RBM10: variants seen among roughly 807,000 people sequenced by gnomAD.
RBM10 encodes RNA binding motif protein 10.
In RBM10, 1 loss-of-function variant was observed where a neutral mutation model predicts 84.9. The observed-to-expected ratio is 0.01, with a 90% CI of 0.00 to 0.06. The LOEUF is 0.06. RBM10 is among the 10% of genes least tolerant of loss of function. RBM10 has a pLI of 1.00. For synonymous variants in RBM10, 326 were observed against 344.5 expected (o/e 0.95, Z 0.60); for missense variants, 438 against 839.0 (o/e 0.52, Z 5.90).
chrX:47,179,726 A>T (rs1422860714), intron 9 of RBM10, 154 bp from the exon 10 acceptor site: 13 of 856,631 alleles, frequency 1.5e-5, no homozygotes, highest in Middle Eastern at 5.8e-4. Flanking sequence ...TGGACCGCCA[A>T]GCAGAGTTGA....
intron 2 of RBM10, among the ~76,000 whole-genome samples, chrX:47,151,545 G>T (rs1419655211): frequency 8.9e-6 from 1 of 111,877 alleles, no homozygotes; most frequent in Non-Finnish European, 1.9e-5. Context: ...ATATTAAATA[G>T]TATAAGTGAT....
chrX:47,152,298 GT>G (rs1329015465), intron 2 of RBM10, among the ~76,000 whole-genome samples: 1 of 111,300 alleles, frequency 9.0e-6, no homozygotes, highest in Admixed American at 9.7e-5. Context: ...TGGTATGTAT[GT>G]ATATGTTTAT....
chrX:47,176,044 C>G (rs1370654672), intron 6 of RBM10, among the ~76,000 whole-genome samples: 1 of 112,934 alleles, frequency 8.9e-6, no homozygotes, highest in Non-Finnish European at 1.9e-5. Context: ...TCCATCTGTT[C>G]GAAATGGCTC....
At chrX:47,153,044 C>T (rs781898172) in intron 2 of RBM10, among the ~76,000 whole-genome samples, 1 of 110,710 alleles carries the variant, frequency 9.0e-6, no homozygotes, top group Admixed American at 9.7e-5. Context: ...CAGGATTTTT[C>T]CATGTTGATC....
At chrX:47,172,071 G>GTTCC (rs1934717757) in intron 4 of RBM10, among the ~76,000 whole-genome samples, 1 of 112,311 alleles carries the variant, frequency 8.9e-6, no homozygotes, top group African/African-American at 3.2e-5. Flanking sequence ...TGTATCTCAG[G>GTTCC]GTGGGCCATG....
intron 2 of RBM10, among the ~76,000 whole-genome samples, chrX:47,167,584 G>A (rs953038213): frequency 9.0e-6 from 1 of 111,267 alleles, no homozygotes; most frequent in Non-Finnish European, 1.9e-5. Flanking sequence ...GGCTGGTCTC[G>A]AATTCCTGAC....
At chrX:47,184,712 G>C (rs782791108) in intron 17 of RBM10, among the ~76,000 whole-genome samples, 27 of 111,656 alleles carry the variant, frequency 2.4e-4, no homozygotes, top group Non-Finnish European at 2.6e-4. Context: ...TGGGGGCACA[G>C]GGTGTGTTCA....
At position 47,185,618 on chromosome X, in the gene RBM10, A is replaced by G. The variant is rs2147218040; in HGVS notation, c.2343A>G (p.Ser781=). ...CGCTCATCCGGCACCAGCAGCTCTCAGGGCTCCACAAGGTAACAGCGGATG... is the reference window on the plus strand; with the variant it reads ...CGCTCATCCGGCACCAGCAGCTCTCGGGGCTCCACAAGGTAACAGCGGATG... ...KEALIRHQQL[S]GLHKQNLEIH... Residue 781 remains serine (S), a synonymous_variant, in exon 20 of 24, where the codon TCA becomes TCG. Coordinates refer to ENST00000377604, the MANE Select transcript of RBM10 (RefSeq NM_005676.5). The G allele has an allele frequency of 2.5e-6, 3 of 1,207,226 alleles. No homozygotes were observed. The highest frequency in any genetic ancestry group is 1.7e-5 in the African/African-American group (1 of 57,913).
At chrX:47,184,101 G>A (rs1471349386) in intron 17 of RBM10, among the ~76,000 whole-genome samples, 2 of 111,690 alleles carry the variant, frequency 1.8e-5, no homozygotes, top group Admixed American at 1.9e-4. Context: ...CCTCTGAAAG[G>A]CCCTGCCTGT....
At chrX:47,169,280 C>T (rs897564681) in intron 2 of RBM10, 35 bp from the exon 3 acceptor site, 42 of 1,174,501 alleles carry the variant, frequency 3.6e-5, no homozygotes, top group Non-Finnish European at 4.8e-5. Flanking sequence ...AAAGGGCAAC[C>T]TTCTGATCCC....
intron 6 of RBM10, among the ~76,000 whole-genome samples, chrX:47,175,789 G>T (rs1367442223): frequency 9.0e-6 from 1 of 110,722 alleles, no homozygotes; most frequent in East Asian, 2.9e-4. Flanking sequence ...CCCAAGCCTG[G>T]CACGGGATCC....
At chrX:47,180,642 C>T (rs1201367782) in intron 12 of RBM10, 136 bp downstream of exon 12, 2 of 1,064,066 alleles carry the variant, frequency 1.9e-6, no homozygotes, top group African/African-American at 1.8e-5. Context: ...CATGGCTATT[C>T]TACCTTGCTC....
At chrX:47,151,879 A>G (rs1486440621) in intron 2 of RBM10, among the ~76,000 whole-genome samples, 1 of 112,591 alleles carries the variant, frequency 8.9e-6, no homozygotes, top group Non-Finnish European at 1.9e-5. Context: ...GACCATAAAT[A>G]AGTATTGAAC....
chrX:47,160,459 C>G (rs1272371760), intron 2 of RBM10, among the ~76,000 whole-genome samples: 14 of 111,589 alleles, frequency 1.3e-4, no homozygotes, highest in African/African-American at 4.6e-4. Context: ...AGATACTTCT[C>G]AAAAGATAAC....
At chrX:47,162,031 C>T (rs1435545593) in intron 2 of RBM10, among the ~76,000 whole-genome samples, 1 of 109,863 alleles carries the variant, frequency 9.1e-6, no homozygotes, top group Non-Finnish European at 1.9e-5. Context: ...TTAGTAGAGA[C>T]GGGGTTTCAC....
chrX:47,181,261 C>T lies in RBM10; in HGVS notation c.1295C>T (p.Pro432Leu), dbSNP rs1477871550. ...ACCTGGGCCACCTCCGAGGAGCCGCCGGTCGACTACAGCTACTACCAACAG... is the reference window on the plus strand; with the variant it reads ...ACCTGGGCCACCTCCGAGGAGCCGCTGGTCGACTACAGCTACTACCAACAG... ...EGTWATSEEPPVDYSYYQQDE... is the reference protein window; with the variant it reads ...EGTWATSEEPLVDYSYYQQDE... Residue 432 changes from proline to leucine, a missense_variant, in exon 13 of 24, where the codon CCG becomes CTG. Around this residue, in one of 8 missense-constraint regions of RBM10, gnomAD observed 97 missense variants for 110.3 expected, o/e 0.88. Coordinates refer to ENST00000377604, the MANE Select transcript of RBM10 (RefSeq NM_005676.5). 36 of 1,170,017 alleles carry T rather than the reference C, an allele frequency of 3.1e-5. No homozygotes were observed. The highest frequency in any genetic ancestry group is 6.3e-5 in the East Asian group (2 of 31,520).
At chrX:47,152,001 C>T (rs1429516043) in intron 2 of RBM10, among the ~76,000 whole-genome samples, 2 of 111,204 alleles carry the variant, frequency 1.8e-5, no homozygotes, top group Non-Finnish European at 3.8e-5. Flanking sequence ...CGCTTGAGGC[C>T]AGGAGTTCAA....
chrX:47,167,219 A>T (rs1934294360), intron 2 of RBM10, among the ~76,000 whole-genome samples: 1 of 107,032 alleles, frequency 9.3e-6, no homozygotes, highest in Non-Finnish European at 1.9e-5. Flanking sequence ...GATGTTTTTT[A>T]TTTTTCTGTT....
intron 2 of RBM10, among the ~76,000 whole-genome samples, chrX:47,163,293 C>T (rs184810774): frequency 1.1e-3 from 118 of 111,378 alleles, no homozygotes; most frequent in East Asian, 4.5e-3. Context: ...AGGATATTAA[C>T]GAGAAAATTG....
Sources: gnomAD v4.1 joint callset for allele counts (sites outside exome capture counted in the v4.1 genomes callset) on GRCh38, gnomAD v4.1.1 for gene constraint, gnomAD v4.1.1 regional missense constraint, MANE v1.5 for transcripts, NCBI Gene and HGNC (gene_info 2026-07-23, HGNC 2026-07-21) for gene names.